The following TSG101 variants were observed in gnomAD, a reference collection of about 807,000 sequenced individuals.
TSG101 encodes the protein tumor susceptibility 101.
TSG101 carries 19 observed loss-of-function variants against 48.5 expected under a neutral mutation model. The ratio of observed to expected loss-of-function variants is 0.39; its 90% CI spans 0.27 to 0.58. The LOEUF (loss-of-function observed/expected upper bound fraction) is 0.58. TSG101 is among the 20% of genes least tolerant of loss of function. TSG101 has a pLI of 0.55. For synonymous variants in TSG101, 174 were observed against 169.4 expected (o/e 1.03, Z -0.21); for missense variants, 365 against 484.4 (o/e 0.75, Z 2.31).
intron 1 of TSG101, among the ~76,000 whole-genome samples, chr11:18,524,810 T>C (rs1850339578): frequency 6.6e-6 from 1 of 152,188 alleles, no homozygotes; most frequent in African/African-American, 2.4e-5. Flanking sequence ...ATGGCAGGTT[T>C]CTCTAGGGAA....
chr11:18,492,871 A>G (rs1025645013), intron 7 of TSG101, among the ~76,000 whole-genome samples: 17 of 152,192 alleles, frequency 1.1e-4, no homozygotes, highest in African/African-American at 3.9e-4. Flanking sequence ...AAAGTTCAAA[A>G]TTCGATGAAC....
chr11:18,525,587 G>T, intron 1 of TSG101: 18 of 334,874 alleles, frequency 5.4e-5, no homozygotes, highest in Non-Finnish European at 7.1e-5. Flanking sequence ...ATACTCTTCA[G>T]TTACATACTA....
chr11:18,487,156 A>C (rs949224168), intron 7 of TSG101, among the ~76,000 whole-genome samples: 1 of 151,646 alleles, frequency 6.6e-6, no homozygotes, highest in Non-Finnish European at 1.5e-5. Flanking sequence ...AGATATACCT[A>C]ATGTTAAATG....
chr11:18,483,721 A>G (rs960057438), intron 8 of TSG101, 149 bp downstream of exon 8: 1 of 796,680 alleles, frequency 1.3e-6, no homozygotes, highest in African/African-American at 1.7e-5. Context: ...CACTGTAAAC[A>G]AAGGTATAAA....
intron 5 of TSG101, chr11:18,508,697 A>G (rs1288395090): frequency 6.6e-6 from 1 of 152,226 alleles, no homozygotes; most frequent in East Asian, 1.9e-4. Flanking sequence ...TTAAATTCCC[A>G]TTCAGCTTAT....
At chr11:18,504,926 T>C (rs1849944733) in intron 6 of TSG101, among the ~76,000 whole-genome samples, 1 of 152,208 alleles carries the variant, frequency 6.6e-6, no homozygotes, top group South Asian at 2.1e-4. Flanking sequence ...TATATATTAC[T>C]ACCAAAGGAA....
At chr11:18,506,125 G>A (rs1354583777) in intron 6 of TSG101, among the ~76,000 whole-genome samples, 2 of 151,984 alleles carry the variant, frequency 1.3e-5, no homozygotes, top group Admixed American at 6.6e-5. Context: ...TACCACACCC[G>A]GCCTTATTGC....
At chr11:18,522,517 T>C (rs567863982) in intron 1 of TSG101, among the ~76,000 whole-genome samples, 1 of 152,328 alleles carries the variant, frequency 6.6e-6, no homozygotes, top group South Asian at 2.1e-4. Flanking sequence ...ACAGTCCTGG[T>C]CTAAGCCACC....
intron 6 of TSG101, among the ~76,000 whole-genome samples, chr11:18,503,524 C>T (rs1849921403): frequency 6.6e-6 from 1 of 152,050 alleles, no homozygotes; most frequent in Non-Finnish European, 1.5e-5. Flanking sequence ...AGGTGCCCGC[C>T]ACCACACCCG....
intron 6 of TSG101, among the ~76,000 whole-genome samples, chr11:18,503,672 C>G (rs527467206): frequency 2.0e-5 from 3 of 152,150 alleles, no homozygotes; most frequent in Non-Finnish European, 4.4e-5. Context: ...GCACCCAGCC[C>G]TAACTATTCT....
rs139038527 is a variant in TSG101 at position 18,512,287 on chromosome 11, T to A, written c.357+2391A>T. 5.9e-3 allele frequency among the ~76,000 whole-genome samples: 901 copies of A among 152,144 alleles called. 9 individuals are homozygous for A. Among genetic ancestry groups the A allele is most frequent in the African/African-American group, 0.021 (869 of 41,506 alleles). ...CAGGTGTGGTGGTGGGCGCCTGTAA[T>A]CCCAGCTACTCAGGAGGTTGAGGCA... On this transcript the variant is annotated intron_variant, in intron 4 of 9. Transcript: ENST00000251968.
chr11:18,511,439 T>C (rs1466130920), intron 4 of TSG101: 1 of 152,210 alleles, frequency 6.6e-6, no homozygotes. Flanking sequence ...ACTTTTCCAA[T>C]ATTTTTCTTG....
chr11:18,493,238 T>TA (rs1255055940), intron 7 of TSG101, among the ~76,000 whole-genome samples: 1 of 152,138 alleles, frequency 6.6e-6, no homozygotes, highest in Non-Finnish European at 1.5e-5. Flanking sequence ...CCTTAGGAAA[T>TA]AAGATATAAT....
At chr11:18,481,470 T>G (rs766117798) in intron 9 of TSG101, 160 bp downstream of exon 9, 43 of 1,425,436 alleles carry the variant, frequency 3.0e-5, no homozygotes, top group Non-Finnish European at 3.9e-5. Context: ...ACTCTGTAGG[T>G]AAAAAGATGG....
At chr11:18,482,167 T>C (rs2133900587) in intron 8 of TSG101, among the ~76,000 whole-genome samples, 1 of 152,338 alleles carries the variant, frequency 6.6e-6, no homozygotes, top group Non-Finnish European at 1.5e-5. Context: ...GACAAGATAC[T>C]TTCCAGCAGA....
At chr11:18,512,697 G>A (rs952560566) in intron 4 of TSG101, among the ~76,000 whole-genome samples, 1 of 151,086 alleles carries the variant, frequency 6.6e-6, no homozygotes, top group Non-Finnish European at 1.5e-5. Flanking sequence ...CAGGATCAGG[G>A]ACTGAGCTGA....
At chr11:18,495,952 A>T (rs1329312947) in intron 7 of TSG101, among the ~76,000 whole-genome samples, 1 of 151,472 alleles carries the variant, frequency 6.6e-6, no homozygotes. Context: ...CTCTACAGAG[A>T]TCAAATAAAC....
intron 7 of TSG101, among the ~76,000 whole-genome samples, chr11:18,486,593 G>T (rs1413378019): frequency 6.6e-6 from 1 of 152,012 alleles, no homozygotes; most frequent in Non-Finnish European, 1.5e-5. Flanking sequence ...AGTTAGAATG[G>T]TGATCATTAA....
At chr11:18,493,924 C>T (rs772949509) in intron 7 of TSG101, among the ~76,000 whole-genome samples, 2 of 152,086 alleles carry the variant, frequency 1.3e-5, no homozygotes, top group South Asian at 2.1e-4. Flanking sequence ...AGCTTTTCTT[C>T]CAAAGAAATT....
Sources: gnomAD v4.1 joint callset for allele counts (sites outside exome capture counted in the v4.1 genomes callset) on GRCh38, gnomAD v4.1.1 for gene constraint, MANE v1.5 for transcripts, NCBI Gene and HGNC (gene_info 2026-07-23, HGNC 2026-07-21) for gene names.